Variants in DCAF6 observed in about 807,000 individuals in gnomAD.
The protein encoded by DCAF6 is DDB1- and CUL4-associated factor 6.
Under a neutral mutation model 125.1 loss-of-function variants are expected in DCAF6, and 54 were observed. That is an observed-to-expected ratio of 0.43 (90% CI 0.35 to 0.54). The LOEUF is 0.54. DCAF6 is among the 20% of genes least tolerant of loss of function. DCAF6 has a pLI of 0.01. For missense variants in DCAF6, 934 were observed against 1,161.7 expected, an observed-to-expected ratio of 0.80 and a Z score of 2.85; for synonymous variants, 371 against 390.4, an observed-to-expected ratio of 0.95 and a Z score of 0.58.
chr1:168,007,138 G>A (rs1683441148), intron 10 of DCAF6, among the ~76,000 whole-genome samples: 2 of 152,094 alleles, frequency 1.3e-5, no homozygotes, highest in South Asian at 4.1e-4. Flanking sequence ...TTTTCCTACT[G>A]TCAATAATTT....
chr1:168,037,761 G>T (rs1352515180), intron 12 of DCAF6, among the ~76,000 whole-genome samples: 2 of 152,130 alleles, frequency 1.3e-5, no homozygotes, highest in African/African-American at 2.4e-5. Flanking sequence ...GTCAGGAAGA[G>T]AAACGGAAAT....
At chr1:168,065,188 T>G (rs1366416984) in intron 18 of DCAF6, among the ~76,000 whole-genome samples, 1 of 152,226 alleles carries the variant, frequency 6.6e-6, no homozygotes, top group Non-Finnish European at 1.5e-5. Context: ...TTTCAGGTGC[T>G]GTAAATATAG....
At chr1:168,065,528 G>C in intron 18 of DCAF6, 62 bp from the exon 19 acceptor site, 1 of 1,154,372 alleles carries the variant, frequency 8.7e-7, no homozygotes, top group Non-Finnish European at 1.2e-6. Context: ...TGTAAGAGTA[G>C]CATAAATCTT....
chr1:167,939,722 C>T (rs1358818179), intron 1 of DCAF6, among the ~76,000 whole-genome samples: 1 of 152,124 alleles, frequency 6.6e-6, no homozygotes, highest in Admixed American at 6.5e-5. Context: ...AAGATTGTGC[C>T]ACTGCACTCC....
At chr1:167,975,238 T>G (rs1010724393) in intron 4 of DCAF6, among the ~76,000 whole-genome samples, 3 of 152,198 alleles carry the variant, frequency 2.0e-5, no homozygotes, top group Non-Finnish European at 2.9e-5. Flanking sequence ...GTAATAGTAC[T>G]CTAAGATGGG....
At chr1:167,972,642 G>A (rs1291189964) in intron 3 of DCAF6, among the ~76,000 whole-genome samples, 1 of 152,194 alleles carries the variant, frequency 6.6e-6, no homozygotes, top group Non-Finnish European at 1.5e-5. Context: ...AGTAATTTGG[G>A]ATGTATTTTG....
At chr1:167,941,601 G>C (rs1672251194) in intron 1 of DCAF6, among the ~76,000 whole-genome samples, 1 of 151,970 alleles carries the variant, frequency 6.6e-6, no homozygotes. Context: ...TGTTGGTGTT[G>C]AACTGGTAGA....
intron 4 of DCAF6, among the ~76,000 whole-genome samples, chr1:167,985,454 CTCTT>C (rs1390946956): frequency 1.1e-4 from 17 of 152,212 alleles, no homozygotes; most frequent in Middle Eastern, 3.4e-3. Flanking sequence ...ATCTTGAGAT[CTCTT>C]TCTTTTTCTC....
intron 16 of DCAF6, among the ~76,000 whole-genome samples, chr1:168,050,440 A>G (rs923535408): frequency 6.6e-6 from 1 of 152,188 alleles, no homozygotes; most frequent in African/African-American, 2.4e-5. Flanking sequence ...ACTCCTAGGG[A>G]GTTAAAAGCC....
intron 12 of DCAF6, among the ~76,000 whole-genome samples, chr1:168,033,818 T>A (rs1402225450): frequency 6.6e-6 from 1 of 152,266 alleles, no homozygotes; most frequent in African/African-American, 2.4e-5. Flanking sequence ...TTGTTCTTAA[T>A]AACCATAATT....
chr1:167,905,115 T>C, the DCAF6 span: 3 of 1,614,256 alleles, frequency 1.9e-6, no homozygotes, highest in Non-Finnish European at 2.5e-6. Flanking sequence ...GGGCCAGTCC[T>C]GGAATTCTTC....
At chr1:167,943,751 G>C (rs1053903761) in intron 1 of DCAF6, among the ~76,000 whole-genome samples, 1 of 152,154 alleles carries the variant, frequency 6.6e-6, no homozygotes, top group African/African-American at 2.4e-5. Flanking sequence ...TTATGAGTCA[G>C]AACATCATAC....
At chr1:167,896,193 C>T in the DCAF6 span, among the ~76,000 whole-genome samples, 6 of 152,012 alleles carry the variant, frequency 3.9e-5, no homozygotes, top group East Asian at 1.2e-3. Flanking sequence ...CATCAAGGTG[C>T]TTGCAATCAA....
intron 10 of DCAF6, among the ~76,000 whole-genome samples, chr1:168,008,885 C>T (rs1397078219): frequency 3.8e-5 from 5 of 132,750 alleles, no homozygotes; most frequent in Non-Finnish European, 8.1e-5. Context: ...CCCCCACCCC[C>T]TCCCCTCCCC....
At chr1:167,907,393 G>T in the DCAF6 span, among the ~76,000 whole-genome samples, 2 of 152,210 alleles carry the variant, frequency 1.3e-5, no homozygotes, top group Non-Finnish European at 2.9e-5. Flanking sequence ...CATGTCCCTT[G>T]TGGGTTGTAT....
intron 12 of DCAF6, among the ~76,000 whole-genome samples, chr1:168,034,217 A>G (rs1459771709): frequency 2.0e-5 from 3 of 152,224 alleles, no homozygotes; most frequent in Non-Finnish European, 4.4e-5. Context: ...TAGGAACTTC[A>G]TATAAAAAGA....
chr1:167,958,936 C>T (rs556800700), intron 2 of DCAF6, among the ~76,000 whole-genome samples: 1 of 152,262 alleles, frequency 6.6e-6, no homozygotes, highest in African/African-American at 2.4e-5. Flanking sequence ...TGGTTTCAGG[C>T]ATCTTATGAG....
chr1:168,048,294 G>A (rs1457436256), intron 16 of DCAF6, among the ~76,000 whole-genome samples: 2 of 152,126 alleles, frequency 1.3e-5, no homozygotes, highest in African/African-American at 4.8e-5. Context: ...GTTTAGCTGG[G>A]GTAGAGAAGT....
chr1:168,046,191 C>G (rs986662339), intron 16 of DCAF6, among the ~76,000 whole-genome samples: 12 of 151,910 alleles, frequency 7.9e-5, no homozygotes, highest in Admixed American at 2.0e-4. Context: ...GATTCAGTTT[C>G]TTATCTATAA....
Sources: allele counts gnomAD v4.1 joint callset (sites outside exome capture counted in the v4.1 genomes callset), GRCh38; gene constraint gnomAD v4.1.1; transcripts MANE v1.5; gene names NCBI Gene and HGNC (gene_info 2026-07-23, HGNC 2026-07-21).